MYO9A: variants seen among roughly 807,000 people sequenced by gnomAD.
MYO9A encodes unconventional myosin-IXa.
Under a neutral mutation model 293.3 loss-of-function variants are expected in MYO9A, and 103 were observed. The observed-to-expected ratio is 0.35, with a 90% confidence interval of 0.30 to 0.41. The LOEUF (loss-of-function observed/expected upper bound fraction) is 0.41. Among genes scored for constraint, MYO9A ranks in the 10% least tolerant of loss-of-function variants. The pLI, the probability that MYO9A is intolerant of heterozygous loss-of-function variation, is 1.00. For synonymous variants in MYO9A, 1,001 were observed against 1,035.7 expected (o/e 0.97, Z 0.64); for missense variants, 2,685 against 3,033.0 (o/e 0.89, Z 2.69).
chr15:72,069,669 A>G (rs2150141563), intron 1 of MYO9A, among the ~76,000 whole-genome samples: 1 of 152,270 alleles, frequency 6.6e-6, no homozygotes, highest in South Asian at 2.1e-4. Context: ...TATTACTTAA[A>G]CCCAACAGTA....
chr15:72,079,945 T>C (rs1182201514), intron 1 of MYO9A, among the ~76,000 whole-genome samples: 1 of 152,200 alleles, frequency 6.6e-6, no homozygotes, highest in African/African-American at 2.4e-5. Context: ...TAAAAAAGCA[T>C]TTTTACCTGT....
chr15:71,948,574 C>T (rs1047617817), intron 15 of MYO9A, among the ~76,000 whole-genome samples: 5 of 152,142 alleles, frequency 3.3e-5, no homozygotes, highest in African/African-American at 1.2e-4. Context: ...AGATGAGTAG[C>T]TGCAACAGAA....
intron 30 of MYO9A, 61 bp downstream of exon 30, chr15:71,879,660 A>C: frequency 8.3e-7 from 1 of 1,197,626 alleles, no homozygotes; most frequent in Non-Finnish European, 1.2e-6. Flanking sequence ...TATCTTCTAC[A>C]GCGCTATCAA....
chr15:71,893,493 T>C (rs1040189488), intron 26 of MYO9A, 186 bp downstream of exon 26: 19 of 611,186 alleles, frequency 3.1e-5, no homozygotes, highest in Non-Finnish European at 4.8e-5. Flanking sequence ...ACTGGGTTTT[T>C]AGGCACCATT....
At chr15:71,831,657 C>T (rs1169312718) in intron 39 of MYO9A, among the ~76,000 whole-genome samples, 1 of 152,020 alleles carries the variant, frequency 6.6e-6, no homozygotes, top group Non-Finnish European at 1.5e-5. Flanking sequence ...TACTTTAGGA[C>T]CAGGCAGAAA....
At chr15:71,981,777 A>G (rs2076279109) in intron 11 of MYO9A, among the ~76,000 whole-genome samples, 1 of 150,966 alleles carries the variant, frequency 6.6e-6, no homozygotes, top group Non-Finnish European at 1.5e-5. Context: ...CACTTTTATT[A>G]ATTTCCTCTT....
Position 71,824,738 on chromosome 15 carries a change from A to T in MYO9A, c.*1842T>A, listed in dbSNP as rs906183569. Reference sequence around the variant, plus strand: ...AAAGCATAACATTTGCTCATTAACTATCATTATTCTGGAGATTTTAATGGC... The same window carrying T: ...AAAGCATAACATTTGCTCATTAACTTTCATTATTCTGGAGATTTTAATGGC... On this transcript the variant is annotated 3_prime_UTR_variant, in exon 42 of 42. Transcript: ENST00000356056. 1.3e-5 allele frequency: 2 copies of T among 152,168 alleles called. No homozygotes were observed. The highest frequency in any genetic ancestry group is 2.9e-5 in the Non-Finnish European group (2 of 68,046). The allele number at this position is 152,168 out of a possible 1,614,324, so 9.4% of individuals were successfully genotyped here. A position where few individuals can be genotyped will look rare whatever the true frequency, so the allele number is the denominator to read the frequency against.
At chr15:71,955,666 T>C (rs1653039157) in intron 14 of MYO9A, among the ~76,000 whole-genome samples, 1 of 152,226 alleles carries the variant, frequency 6.6e-6, no homozygotes, top group African/African-American at 2.4e-5. Flanking sequence ...TTTATATGTT[T>C]GTAACAGTTT....
chr15:71,965,771 AAAC>A (rs1276814038), intron 13 of MYO9A, among the ~76,000 whole-genome samples: 117 of 152,298 alleles, frequency 7.7e-4, no homozygotes, highest in African/African-American at 2.6e-3. Flanking sequence ...AAAACCCCAA[AAAC>A]ATTTAGTGAT....
intron 1 of MYO9A, among the ~76,000 whole-genome samples, chr15:72,106,355 A>G (rs890371068): frequency 1.4e-4 from 22 of 152,134 alleles, no homozygotes; most frequent in African/African-American, 5.3e-4. Flanking sequence ...AGGAAGGCAC[A>G]GTGGCACGCA....
intron 15 of MYO9A, among the ~76,000 whole-genome samples, chr15:71,948,378 T>A (rs756005683): frequency 2.0e-5 from 3 of 152,230 alleles, no homozygotes; most frequent in Non-Finnish European, 4.4e-5. Flanking sequence ...ACCCACTGCC[T>A]GTTTTTTGTA....
intron 19 of MYO9A, among the ~76,000 whole-genome samples, chr15:71,912,204 C>A (rs911013118): frequency 3.9e-5 from 6 of 152,022 alleles, no homozygotes; most frequent in African/African-American, 1.4e-4. Context: ...ATTTCTACCT[C>A]ACAATATACT....
chr15:72,000,620 C>A lies in MYO9A; in HGVS notation c.1381-680G>T, dbSNP rs1032103480. ...CATATTGCCCATATGTTCTTCAGATCTAACTATGTGGATAATTTATTATTA... is the reference window on the plus strand; with the variant it reads ...CATATTGCCCATATGTTCTTCAGATATAACTATGTGGATAATTTATTATTA... On this transcript the variant is annotated intron_variant, in intron 8 of 41. Transcript: ENST00000356056. Among the ~76,000 whole-genome samples, 9 of 152,096 alleles carry A rather than the reference C, an allele frequency of 5.9e-5. 1 individual carries two copies. The highest frequency in any genetic ancestry group is 5.9e-4 in the Admixed American group (9 of 15,260).
At chr15:71,861,679 TAAAAAA>T (rs66598621) in intron 33 of MYO9A, among the ~76,000 whole-genome samples, 4 of 82,930 alleles carry the variant, frequency 4.8e-5, no homozygotes, top group African/African-American at 1.7e-4. Flanking sequence ...ACTGATGATA[TAAAAAA>T]AAAAAAAAAA....
chr15:71,827,180 G>GCACAGTCA, intron 41 of MYO9A, 137 bp from the exon 42 acceptor site: 1 of 627,276 alleles, frequency 1.6e-6, no homozygotes, highest in Non-Finnish European at 2.7e-6. Flanking sequence ...CTTACTATGG[G>GCACAGTCA]CACAGTCACA....
At chr15:72,093,546 G>C (rs1309692708) in intron 1 of MYO9A, among the ~76,000 whole-genome samples, 1 of 150,864 alleles carries the variant, frequency 6.6e-6, no homozygotes. Context: ...CAAATATAAA[G>C]AATTAAAATA....
intron 6 of MYO9A, among the ~76,000 whole-genome samples, chr15:72,011,340 T>C (rs2077168529): frequency 6.6e-6 from 1 of 150,652 alleles, no homozygotes; most frequent in African/African-American, 2.4e-5. Flanking sequence ...TATATACATA[T>C]ATAATTATTT....
rs537860803 is a variant in MYO9A at position 71,851,387 on chromosome 15, C to T, written c.6476-29G>A. On this transcript the variant is annotated intron_variant, in intron 36 of 41. Transcript: ENST00000356056. ...AAAACAGTAAGAGCAGAAACTAAGA[C>T]TAAATATCCCCCCTTATACAGTGTA... is the stretch of plus-strand genomic sequence containing the variant. The T allele has an allele frequency of 1.5e-5, 23 of 1,538,014 alleles. No homozygotes were observed. The South Asian group carries it at 2.6e-4, about 17-fold the overall frequency.
intron 18 of MYO9A, among the ~76,000 whole-genome samples, chr15:71,931,573 T>A (rs138715789): frequency 2.6e-5 from 4 of 152,324 alleles, no homozygotes; most frequent in Admixed American, 6.5e-5. Context: ...TTAATAAGGA[T>A]CTCTTTGGAT....
Sources: allele counts gnomAD v4.1 joint callset (sites outside exome capture counted in the v4.1 genomes callset), GRCh38; gene constraint gnomAD v4.1.1; transcripts MANE v1.5; gene names NCBI Gene and HGNC (gene_info 2026-07-23, HGNC 2026-07-21).